Variants in PAIP2 observed in about 807,000 individuals in gnomAD.
PAIP2 encodes poly(A) binding protein interacting protein 2, also known as polyadenylate-binding protein-interacting protein 2.
Under a neutral mutation model 14.8 loss-of-function variants are expected in PAIP2, and 7 were observed. That is an observed-to-expected ratio of 0.47 (90% confidence interval 0.27 to 0.89). PAIP2 has a LOEUF of 0.89. Ranked by LOEUF, PAIP2 falls within the 40% of genes least tolerant of loss-of-function variation. The pLI is 0.13. For synonymous variants in PAIP2, 47 were observed against 45.3 expected (o/e 1.04, Z -0.15); for missense variants, 122 against 154.7 (o/e 0.79, Z 1.12).
At chr5:139,363,234 C>T (rs913774301) in intron 1 of PAIP2, among the ~76,000 whole-genome samples, 3 of 150,992 alleles carry the variant, frequency 2.0e-5, no homozygotes, top group Non-Finnish European at 4.4e-5. Flanking sequence ...GAGTGAAACT[C>T]TATCTCAAAA....
At chr5:139,360,335 G>A (rs1443780051) in intron 1 of PAIP2, among the ~76,000 whole-genome samples, 2 of 152,072 alleles carry the variant, frequency 1.3e-5, no homozygotes, top group Admixed American at 1.3e-4. Flanking sequence ...TTTCATCCAA[G>A]TTTAATGATA....
intron 1 of PAIP2, among the ~76,000 whole-genome samples, chr5:139,353,746 C>T (rs1756823537): frequency 6.8e-6 from 1 of 147,244 alleles, no homozygotes; most frequent in South Asian, 2.1e-4. Flanking sequence ...AAGGCAGAGT[C>T]TCACTGTTGT....
intron 3 of PAIP2, among the ~76,000 whole-genome samples, chr5:139,366,859 G>A (rs906830563): frequency 1.3e-5 from 2 of 152,074 alleles, no homozygotes; most frequent in African/African-American, 4.8e-5. Flanking sequence ...CCAGGAGTTC[G>A]AGACCAGCCT....
chr5:139,358,875 G>A (rs928971373), intron 1 of PAIP2, among the ~76,000 whole-genome samples: 4 of 152,230 alleles, frequency 2.6e-5, no homozygotes, highest in African/African-American at 7.2e-5. Flanking sequence ...GAAATGGAGA[G>A]TGACTACAGA....
chr5:139,353,083 G>A (rs1756797752), intron 1 of PAIP2, among the ~76,000 whole-genome samples: 1 of 151,328 alleles, frequency 6.6e-6, no homozygotes, highest in African/African-American at 2.4e-5. Context: ...CTCCAGCCTG[G>A]GCAACAAGAA....
rs1561968057 is a variant in PAIP2 at position 139,368,676 on chromosome 5, G to A, written c.319-57G>A. ...ATGTTTTTGCATGAGGATCTAGATT[G>A]AATTAGTACCTGAAACTGTGTTAAT... On this transcript the variant is annotated intron_variant, in intron 3 of 3. Transcript: ENST00000265192. 4.4e-6 allele frequency: 5 copies of A among 1,141,906 alleles called. No homozygotes were observed. In the East Asian group the frequency reaches 7.1e-5, roughly 16 times the overall value. The allele number at this position is 1,141,906 out of a possible 1,614,324, so 70.7% of individuals were successfully genotyped here.
At chr5:139,356,631 A>G (rs1464347869) in intron 1 of PAIP2, among the ~76,000 whole-genome samples, 4 of 151,990 alleles carry the variant, frequency 2.6e-5, no homozygotes, top group Non-Finnish European at 4.4e-5. Context: ...TGTAATCCCA[A>G]CACTTTGAGA....
intron 3 of PAIP2, among the ~76,000 whole-genome samples, chr5:139,366,758 T>C (rs1262055544): frequency 6.6e-6 from 1 of 152,220 alleles, no homozygotes; most frequent in Admixed American, 6.5e-5. Flanking sequence ...TCCCAGAAAA[T>C]TGTTCATTTA....
intron 1 of PAIP2, among the ~76,000 whole-genome samples, chr5:139,361,288 C>T (rs1254692476): frequency 5.3e-5 from 8 of 151,808 alleles, no homozygotes; most frequent in Non-Finnish European, 1.2e-4. Context: ...AAGGGCCAGG[C>T]AACACACATA....
intron 1 of PAIP2, among the ~76,000 whole-genome samples, chr5:139,351,274 A>G (rs1041311443): frequency 6.6e-6 from 1 of 152,148 alleles, no homozygotes; most frequent in African/African-American, 2.4e-5. Flanking sequence ...TCCCACTTAC[A>G]GGAATATATC....
Position 139,368,882 on chromosome 5 carries a change from CTT to C in PAIP2, c.*85_*86del, listed in dbSNP as rs759712121. ...TAGAAGACTTAATTGTAAAAGCTCT[CTT>C]GTCACTGTGTTACACTTATGCATTG... On this transcript the variant is annotated 3_prime_UTR_variant, in exon 4 of 4. Coordinates refer to ENST00000265192, the MANE Select transcript of PAIP2 (RefSeq NM_016480.5). 2.5e-5 allele frequency: 26 copies of C among 1,036,744 alleles called. No individual in the cohort carries two copies. Among genetic ancestry groups the C allele is most frequent in the Non-Finnish European group, 3.6e-5 (24 of 668,666 alleles). 64.2% of individuals were successfully genotyped at this position (1,036,744 alleles called of 1,614,324 possible). A position where few individuals can be genotyped will look rare whatever the true frequency, so the allele number is the denominator to read the frequency against.
At chr5:139,344,298 G>A (rs557272153) in intron 1 of PAIP2, among the ~76,000 whole-genome samples, 1 of 152,312 alleles carries the variant, frequency 6.6e-6, no homozygotes, top group South Asian at 2.1e-4. Flanking sequence ...GGTACTTTAA[G>A]GTGGCTATGT....
At chr5:139,352,380 A>G (rs1756761080) in intron 1 of PAIP2, among the ~76,000 whole-genome samples, 1 of 151,834 alleles carries the variant, frequency 6.6e-6, no homozygotes, top group African/African-American at 2.4e-5. Context: ...TATTTTTGAT[A>G]TATTTTCTGA....
chr5:139,344,666 A>C (rs1294798623), intron 1 of PAIP2, among the ~76,000 whole-genome samples: 1 of 152,088 alleles, frequency 6.6e-6, no homozygotes, highest in Non-Finnish European at 1.5e-5. Flanking sequence ...AGTTTGTATA[A>C]ATTTGGGTGG....
intron 1 of PAIP2, among the ~76,000 whole-genome samples, chr5:139,344,026 T>A (rs940002895): frequency 6.6e-6 from 1 of 152,196 alleles, no homozygotes; most frequent in Non-Finnish European, 1.5e-5. Flanking sequence ...AATAGAAGCC[T>A]GAAAGATTAT....
chr5:139,363,717 CT>C (rs1238105232), intron 1 of PAIP2, 41 bp from the exon 2 acceptor site: 2 of 1,565,216 alleles, frequency 1.3e-6, no homozygotes, highest in African/African-American at 2.7e-5. Context: ...AGAAAAAACC[CT>C]GAATGAGTAA....
At chr5:139,366,316 A>G (rs1757249250) in intron 3 of PAIP2, among the ~76,000 whole-genome samples, 1 of 152,054 alleles carries the variant, frequency 6.6e-6, no homozygotes, top group African/African-American at 2.4e-5. Flanking sequence ...ATGATTACCT[A>G]TGAAGCATTA....
At chr5:139,357,598 T>C (rs1756952311) in intron 1 of PAIP2, among the ~76,000 whole-genome samples, 1 of 152,104 alleles carries the variant, frequency 6.6e-6, no homozygotes, top group Admixed American at 6.6e-5. Flanking sequence ...TCTGGGAGGC[T>C]GAAGCGGGCG....
At chr5:139,348,582 C>G (rs1344466261) in intron 1 of PAIP2, among the ~76,000 whole-genome samples, 1 of 151,794 alleles carries the variant, frequency 6.6e-6, no homozygotes, top group Non-Finnish European at 1.5e-5. Flanking sequence ...TGGTCTAGAT[C>G]TCCTGACCCC....
Sources: gnomAD v4.1 joint callset for allele counts (sites outside exome capture counted in the v4.1 genomes callset) on GRCh38, gnomAD v4.1.1 for gene constraint, MANE v1.5 for transcripts, NCBI Gene and HGNC (gene_info 2026-07-23, HGNC 2026-07-21) for gene names.